The following DNAJC11 variants were observed in gnomAD, a reference collection of about 807,000 sequenced individuals.
The protein encoded by DNAJC11 is DnaJ heat shock protein family (Hsp40) member C11.
DNAJC11 carries 15 observed loss-of-function variants against 78.6 expected under a neutral mutation model. The observed-to-expected ratio is 0.19, with a 90% CI of 0.13 to 0.29. The LOEUF (loss-of-function observed/expected upper bound fraction) is 0.29, where lower values mean the gene tolerates loss of function less well. DNAJC11 is among the 10% of genes least tolerant of loss of function. DNAJC11 has a pLI of 1.00. For missense variants in DNAJC11, 547 were observed against 709.6 expected (o/e 0.77, Z 2.60); for synonymous variants, 292 against 272.1 (o/e 1.07, Z -0.72).
At chr1:6,660,827 A>C (rs1344149875) in intron 4 of DNAJC11, among the ~76,000 whole-genome samples, 1 of 152,218 alleles carries the variant, frequency 6.6e-6, no homozygotes, top group Admixed American at 6.5e-5. Flanking sequence ...GAATGTGATA[A>C]ACACGTCTTC....
chr1:6,661,779 C>T (rs1175401468), intron 4 of DNAJC11, among the ~76,000 whole-genome samples: 1 of 152,194 alleles, frequency 6.6e-6, no homozygotes, highest in Non-Finnish European at 1.5e-5. Flanking sequence ...ATCACTTCTG[C>T]AGAACAGACT....
At chr1:6,651,189 A>G (rs1314144709) in intron 7 of DNAJC11, 1 of 565,692 alleles carries the variant, frequency 1.8e-6, no homozygotes, top group Admixed American at 1.9e-5. Flanking sequence ...CTCTGGGACA[A>G]TGGAACGATC....
chr1:6,683,126 C>T (rs543629939), intron 1 of DNAJC11, among the ~76,000 whole-genome samples: 24 of 152,284 alleles, frequency 1.6e-4, no homozygotes, highest in African/African-American at 5.3e-4. Flanking sequence ...GACCCCACTC[C>T]GCGGCAAATC....
At chr1:6,693,810 A>G (rs1040610515) in intron 1 of DNAJC11, among the ~76,000 whole-genome samples, 3 of 150,120 alleles carry the variant, frequency 2.0e-5, no homozygotes, top group Admixed American at 2.0e-4. Context: ...GGTTCAAGCA[A>G]TCCTCCTGTA....
rs138392773 is a variant in DNAJC11, at chr1:6,680,967, T to A, written c.143A>T (p.Asp48Val). 1.0e-3 allele frequency: 1,650 copies of A among 1,614,150 alleles called. 12 individuals are homozygous for A. The highest frequency in any genetic ancestry group is 2.3e-3 in the Middle Eastern group (14 of 6,062). Reference protein sequence around the residue: ...CMLYHPDKHRDPELKSQAERL... With the variant: ...CMLYHPDKHRVPELKSQAERL... ...TTCCGCCTGTGACTTGAGCTCTGGG[T>A]CTCTGTGCTTGTCTGGATGGTAGAG... The change falls in exon 2 of 16, where the codon GAC (aspartate) becomes GTC (valine). Residue 48 changes from aspartate (D) to valine (V), a missense_variant. Transcript: ENST00000377577. The surrounding 1 kb of genome is among the most constrained non-coding windows in gnomAD (Gnocchi z 4.0).
intron 12 of DNAJC11, chr1:6,637,752 G>A (rs1378261257): frequency 1.0e-5 from 6 of 577,278 alleles, no homozygotes; most frequent in Admixed American, 3.1e-5. Context: ...GGTGGCCACC[G>A]GTGGGAGCTC....
intron 1 of DNAJC11, among the ~76,000 whole-genome samples, chr1:6,699,868 C>T (rs1642897229): frequency 6.6e-6 from 1 of 152,318 alleles, no homozygotes; most frequent in Admixed American, 6.5e-5. Flanking sequence ...AAAGATATTT[C>T]ACTGGACATT....
At chr1:6,647,616 G>A (rs1641985554) in intron 7 of DNAJC11, among the ~76,000 whole-genome samples, 1 of 151,836 alleles carries the variant, frequency 6.6e-6, no homozygotes, top group Non-Finnish European at 1.5e-5. Context: ...TCAAGTGATT[G>A]AGACCATCCT....
chr1:6,642,467 T>G (rs1641892626), intron 10 of DNAJC11, among the ~76,000 whole-genome samples: 1 of 151,516 alleles, frequency 6.6e-6, no homozygotes, highest in Non-Finnish European at 1.5e-5. Flanking sequence ...TGATTTGGAG[T>G]GTGGGAGAGA....
At chr1:6,699,442 A>C (rs1298672830) in intron 1 of DNAJC11, among the ~76,000 whole-genome samples, 14 of 152,220 alleles carry the variant, frequency 9.2e-5, no homozygotes, top group Admixed American at 9.2e-4. Context: ...GACCTGCTTG[A>C]TCATCTGCAG....
At chr1:6,684,056 T>C (rs1234733539) in intron 1 of DNAJC11, among the ~76,000 whole-genome samples, 3 of 151,920 alleles carry the variant, frequency 2.0e-5, no homozygotes, top group South Asian at 4.1e-4. Flanking sequence ...TTATTTTTTT[T>C]CCCACACGGC....
intron 1 of DNAJC11, among the ~76,000 whole-genome samples, chr1:6,697,545 C>T (rs76958934): frequency 2.6e-5 from 4 of 152,152 alleles, no homozygotes; most frequent in Non-Finnish European, 5.9e-5. Context: ...AGAGCTCAGG[C>T]GGTGATGCTT....
rs190991322 is a variant in DNAJC11, at chr1:6,663,338, G to C, written c.378+4371C>G. On this transcript the variant is annotated intron_variant, in intron 4 of 15. Coordinates refer to ENST00000377577, the MANE Select transcript of DNAJC11 (RefSeq NM_018198.4). ...CTAACTTAATCATCTGCTCCACACAGGATCTAAACAAGATCACGAAGGAGG... is the reference window on the plus strand; with the variant it reads ...CTAACTTAATCATCTGCTCCACACACGATCTAAACAAGATCACGAAGGAGG... Among the ~76,000 whole-genome samples the C allele has an allele frequency of 1.8e-3, 271 of 152,116 alleles. 1 individual carries two copies. Among genetic ancestry groups the C allele is most frequent in the African/African-American group, 6.2e-3 (258 of 41,476 alleles).
At position 6,667,774 on chromosome 1, in the gene DNAJC11, C is replaced by G. The variant is rs200481815; in HGVS notation, c.313G>C (p.Glu105Gln). 39 of 1,614,122 alleles carry G rather than the reference C, an allele frequency of 2.4e-5. No individual in the cohort carries two copies. The highest frequency in any genetic ancestry group is 3.2e-5 in the Non-Finnish European group (38 of 1,180,030). ...TCTCTCTGCAGCCGCTCAAACTCCT[C>G]TCGAATTTCAGCAGGGGTTCTCCTC... Reference protein sequence around the residue: ...ERRRTPAEIREEFERLQRERE... With the variant: ...ERRRTPAEIRQEFERLQRERE... The change falls in exon 4 of 16, where the codon GAG (glutamate) becomes CAG (glutamine). Residue 105 changes from glutamate (E) to glutamine (Q), a missense_variant. By Grantham distance (29) the Glu-to-Gln change is conservative (BLOSUM62 2). Coordinates refer to ENST00000377577, the MANE Select transcript of DNAJC11 (RefSeq NM_018198.4).
intron 7 of DNAJC11, chr1:6,650,934 A>G: frequency 9.9e-6 from 4 of 405,608 alleles, no homozygotes; most frequent in East Asian, 1.4e-4. Flanking sequence ...TCCTTCAGCT[A>G]TATCTTCCTC....
Position 6,663,280 on chromosome 1 carries a change from C to T in DNAJC11, c.378+4429G>A, listed in dbSNP as rs375305515. Among the ~76,000 whole-genome samples, 5 of 152,250 alleles carry T rather than the reference C, an allele frequency of 3.3e-5. No homozygotes were observed. In the East Asian group the frequency reaches 9.7e-4, roughly 29 times the overall value. ...AGCAATATATGCCCGCAGAGACAGT[C>T]AAACTCCTTTGCCCCCACACCCCCA... On this transcript the variant is annotated intron_variant, in intron 4 of 15. Coordinates refer to ENST00000377577, the MANE Select transcript of DNAJC11 (RefSeq NM_018198.4).
At chr1:6,690,697 G>C (rs979890446) in intron 1 of DNAJC11, among the ~76,000 whole-genome samples, 12 of 152,182 alleles carry the variant, frequency 7.9e-5, no homozygotes, top group African/African-American at 2.9e-4. Context: ...GGCTGAGGTG[G>C]GCGGATCACG....
In DNAJC11 at chr1:6,652,876, T is replaced by C. The variant is rs760139776; in HGVS notation, c.583A>G (p.Ile195Val). The stretch of plus-strand genomic sequence containing the variant: ...GTTACTCGTCTGAGCGCAAAGTTAA[T>C]GGAACCTCCTCCATTTCCATTCTGG... ...STQNGNGGGS[I>V]NFALRRVTSA... The change falls in exon 6 of 16, where the codon ATT (isoleucine) becomes GTT (valine). Residue 195 changes from isoleucine to valine, a missense_variant. Ile to Val is a conservative substitution (Grantham distance 29). Coordinates refer to ENST00000377577, the MANE Select transcript of DNAJC11 (RefSeq NM_018198.4). 10 of 1,614,190 alleles carry C rather than the reference T, an allele frequency of 6.2e-6. No homozygotes were observed. Among genetic ancestry groups the C allele is most frequent in the East Asian group, 4.5e-5 (2 of 44,878 alleles).
chr1:6,685,025 C>T (rs1247726950), intron 1 of DNAJC11, among the ~76,000 whole-genome samples: 1 of 152,196 alleles, frequency 6.6e-6, no homozygotes, highest in Non-Finnish European at 1.5e-5. Context: ...GTAATCCCAG[C>T]ACTTTGGTAT....
Sources: gnomAD v4.1 joint callset for allele counts (sites outside exome capture counted in the v4.1 genomes callset) on GRCh38, gnomAD v4.1.1 for gene constraint, Gnocchi (gnomAD v3.1) non-coding constraint, MANE v1.5 for transcripts, NCBI Gene and HGNC (gene_info 2026-07-23, HGNC 2026-07-21) for gene names.